Variants in OSBPL6 observed in about 807,000 individuals in gnomAD.
OSBPL6 encodes the protein oxysterol binding protein like 6.
Under a neutral mutation model 125.8 loss-of-function variants are expected in OSBPL6, and 49 were observed. The observed-to-expected ratio is 0.39, with a 90% CI of 0.31 to 0.49. The LOEUF (loss-of-function observed/expected upper bound fraction) is 0.49. OSBPL6 is among the 20% of genes least tolerant of loss of function. The pLI, the probability that OSBPL6 is intolerant of heterozygous loss-of-function variation, is 0.88. For synonymous variants in OSBPL6, 394 were observed against 391.8 expected, an observed-to-expected ratio of 1.01 and a Z score of -0.07; for missense variants, 986 against 1,135.4, an observed-to-expected ratio of 0.87 and a Z score of 1.89.
intron 2 of OSBPL6, among the ~76,000 whole-genome samples, chr2:178,298,511 C>T (rs1033659435): frequency 6.6e-6 from 1 of 152,126 alleles, no homozygotes; most frequent in East Asian, 1.9e-4. Flanking sequence ...GCAGCCTTCA[C>T]CTCCCAGGTT....
chr2:178,249,934 T>G (rs1390820179), intron 1 of OSBPL6, among the ~76,000 whole-genome samples: 2 of 151,924 alleles, frequency 1.3e-5, no homozygotes, highest in African/African-American at 4.8e-5. Flanking sequence ...GTTACCTAAT[T>G]GCCTACTAGA....
At chr2:178,390,711 C>T (rs1695331641) in intron 21 of OSBPL6, among the ~76,000 whole-genome samples, 2 of 152,142 alleles carry the variant, frequency 1.3e-5, no homozygotes, top group Non-Finnish European at 2.9e-5. Flanking sequence ...AATTATTTCA[C>T]AAACAATTTC....
intron 1 of OSBPL6, among the ~76,000 whole-genome samples, chr2:178,195,118 C>T (rs989635472): frequency 6.6e-6 from 1 of 152,186 alleles, no homozygotes; most frequent in Non-Finnish European, 1.5e-5. Flanking sequence ...GTGAGAGCGC[C>T]CGCGCCCGCG....
chr2:178,220,224 A>T (rs1434697403), intron 1 of OSBPL6, among the ~76,000 whole-genome samples: 1 of 152,128 alleles, frequency 6.6e-6, no homozygotes, highest in Non-Finnish European at 1.5e-5. Flanking sequence ...CCTTGGATTA[A>T]TGGGAAGTAT....
chr2:178,282,911 C>A (rs1559198621), intron 1 of OSBPL6, among the ~76,000 whole-genome samples: 1 of 152,158 alleles, frequency 6.6e-6, no homozygotes, highest in Non-Finnish European at 1.5e-5. Flanking sequence ...CCTTGGCTTC[C>A]CAAAGTGCTG....
intron 1 of OSBPL6, among the ~76,000 whole-genome samples, chr2:178,279,008 A>G (rs1298992508): frequency 6.6e-6 from 1 of 152,228 alleles, no homozygotes; most frequent in African/African-American, 2.4e-5. Flanking sequence ...CATGGCCCAC[A>G]TATGTGAGAA....
At chr2:178,228,401 G>A (rs574609348) in intron 1 of OSBPL6, among the ~76,000 whole-genome samples, 28 of 152,322 alleles carry the variant, frequency 1.8e-4, no homozygotes, top group South Asian at 4.1e-4. Flanking sequence ...CGGGTGTGGT[G>A]GCGTGCGCCT....
At chr2:178,212,407 A>T (rs1306796744) in intron 1 of OSBPL6, among the ~76,000 whole-genome samples, 1 of 152,222 alleles carries the variant, frequency 6.6e-6, no homozygotes, top group Non-Finnish European at 1.5e-5. Flanking sequence ...GTTTTATTTC[A>T]AGTGAGGCAT....
intron 6 of OSBPL6, 55 bp from the exon 7 acceptor site, chr2:178,332,586 C>T (rs898389174): frequency 2.3e-6 from 3 of 1,316,900 alleles, no homozygotes; most frequent in Non-Finnish European, 2.2e-6. Context: ...AAATACAGTA[C>T]AGAAACATCA....
intron 1 of OSBPL6, among the ~76,000 whole-genome samples, chr2:178,249,603 T>C (rs1252175337): frequency 6.6e-6 from 1 of 152,226 alleles, no homozygotes; most frequent in Non-Finnish European, 1.5e-5. Flanking sequence ...GTCTATTTGC[T>C]TTGCTTCAGC....
rs1685578398 is a variant in OSBPL6, at chr2:178,294,715, T to TG, written c.-156+9594_-156+9595insG. Among the ~76,000 whole-genome samples the TG allele has an allele frequency of 3.4e-5, 4 of 117,752 alleles. No individual in the cohort carries two copies. The South Asian group carries it at 1.2e-3, about 37-fold the overall frequency. 77.2% of individuals were successfully genotyped at this position (117,752 alleles called of 152,430 possible). On this transcript the variant is annotated intron_variant, in intron 2 of 24. Coordinates refer to ENST00000190611, the MANE Select transcript of OSBPL6 (RefSeq NM_032523.4). ...GTAAGTTAGTTTCGGCCACCACAGC[T>TG]ATTTTTTTTTTTTTTTGGAACATTT... is the stretch of plus-strand genomic sequence containing the variant.
chr2:178,397,254 T>C lies in OSBPL6; in HGVS notation c.*1695T>C, dbSNP rs903710154. The C allele has an allele frequency of 2.6e-5, 4 of 152,228 alleles. No individual in the cohort carries two copies. The highest frequency in any genetic ancestry group is 4.4e-5 in the Non-Finnish European group (3 of 68,034). The allele number at this position is 152,228 out of a possible 1,614,324, so 9.4% of individuals were successfully genotyped here. A position where few individuals can be genotyped will look rare whatever the true frequency, so the allele number is the denominator to read the frequency against. On this transcript the variant is annotated 3_prime_UTR_variant, in exon 25 of 25. Transcript: ENST00000190611. ...AACTCCTCCCTTGCATCTGAGTTTT[T>C]ATGTTATGTGTACAGTCTGCATTAG...
chr2:178,292,911 T>C (rs1204589661), intron 2 of OSBPL6, among the ~76,000 whole-genome samples: 2 of 152,180 alleles, frequency 1.3e-5, no homozygotes, highest in Non-Finnish European at 2.9e-5. Flanking sequence ...ATTTGCTGAC[T>C]TTTTCATGTT....
chr2:178,323,418 G>A (rs1478692351), intron 3 of OSBPL6, among the ~76,000 whole-genome samples: 1 of 152,028 alleles, frequency 6.6e-6, no homozygotes, highest in Non-Finnish European at 1.5e-5. Context: ...GTGCGTTTTT[G>A]TAAGAAACTT....
chr2:178,254,093 G>A (rs2154006340), intron 1 of OSBPL6, among the ~76,000 whole-genome samples: 1 of 152,210 alleles, frequency 6.6e-6, no homozygotes, highest in Non-Finnish European at 1.5e-5. Flanking sequence ...CTCTGTAAAT[G>A]TAAGAAATAA....
At chr2:178,228,397 T>C (rs1423271848) in intron 1 of OSBPL6, among the ~76,000 whole-genome samples, 6 of 152,160 alleles carry the variant, frequency 3.9e-5, no homozygotes, top group South Asian at 2.1e-4. Flanking sequence ...GAGCCGGGTG[T>C]GGTGGCGTGC....
chr2:178,300,574 C>T (rs1273988874), intron 2 of OSBPL6, among the ~76,000 whole-genome samples: 3 of 152,234 alleles, frequency 2.0e-5, no homozygotes, highest in African/African-American at 4.8e-5. Context: ...GATTCTTGTG[C>T]CTCAGCCTCC....
chr2:178,284,362 G>A (rs1684498404), intron 1 of OSBPL6, among the ~76,000 whole-genome samples: 1 of 152,124 alleles, frequency 6.6e-6, no homozygotes, highest in South Asian at 2.1e-4. Flanking sequence ...AGACCAGCCT[G>A]GCCAACATGG....
intron 9 of OSBPL6, 111 bp downstream of exon 9, chr2:178,336,544 CT>C (rs1422462637): frequency 8.8e-6 from 11 of 1,248,018 alleles, no homozygotes; most frequent in Non-Finnish European, 1.2e-5. Context: ...CCTTGATCGT[CT>C]TGACCTTTCC....
Sources: gnomAD v4.1 joint callset for allele counts (sites outside exome capture counted in the v4.1 genomes callset) on GRCh38, gnomAD v4.1.1 for gene constraint, MANE v1.5 for transcripts, NCBI Gene and HGNC (gene_info 2026-07-23, HGNC 2026-07-21) for gene names.